The following ZNF292 variants were observed in gnomAD, a reference collection of about 807,000 sequenced individuals.
The protein encoded by ZNF292 is zinc finger protein 292, also known as 16 zinc-finger domain protein.
Under a neutral mutation model 217.9 loss-of-function variants are expected in ZNF292, and 26 were observed. The ratio of observed to expected loss-of-function variants is 0.12; its 90% CI spans 0.09 to 0.17. ZNF292 has a LOEUF of 0.17. Among genes scored for constraint, ZNF292 ranks in the 10% least tolerant of loss-of-function variants. The probability of loss-of-function intolerance (pLI) is 1.00; values close to 1 mark genes in which losing one functional copy is unlikely to be tolerated. For synonymous variants in ZNF292, 1,257 were observed against 1,124.1 expected (o/e 1.12, Z -2.37); for missense variants, 2,904 against 3,175.2 (o/e 0.91, Z 2.05).
rs1487336280 is a variant in ZNF292, at chr6:87,238,059, G to A, written c.741+4532G>A. On this transcript the variant is annotated intron_variant, in intron 5 of 7. Transcript: ENST00000369577. ...AAATGAAGGATCCCAAGTACACCATGAAAATTGTTTCATTAGTATGCCTAT... is the reference window on the plus strand; with the variant it reads ...AAATGAAGGATCCCAAGTACACCATAAAAATTGTTTCATTAGTATGCCTAT... Among the ~76,000 whole-genome samples the A allele has an allele frequency of 2.0e-5, 3 of 152,126 alleles. No homozygotes were observed. In the East Asian group the frequency reaches 5.8e-4, roughly 29 times the overall value.
At chr6:87,253,640 G>A (rs1582510219) in intron 7 of ZNF292, among the ~76,000 whole-genome samples, 1 of 151,928 alleles carries the variant, frequency 6.6e-6, no homozygotes, top group Non-Finnish European at 1.5e-5. Flanking sequence ...AGTATCCCAG[G>A]CTCCTTTTCC....
chr6:87,244,819 A>AT (rs574346736), intron 6 of ZNF292, among the ~76,000 whole-genome samples: 1,685 of 151,944 alleles, frequency 0.011, 35 homozygotes, highest in African/African-American at 0.037. Flanking sequence ...CATGTCATTG[A>AT]TTTTTTTTAT....
In ZNF292 at chr6:87,255,425, G is replaced by C; in HGVS notation, c.1796G>C (p.Arg599Thr). The C allele has an allele frequency of 1.9e-6, 3 of 1,613,722 alleles. No homozygotes were observed. The highest frequency in any genetic ancestry group is 2.5e-6 in the Non-Finnish European group (3 of 1,179,830). Residue 599 changes from arginine (R) to threonine (T), a missense_variant, in exon 8 of 8, where the codon AGA becomes ACA. Physicochemically the swap from Arg to Thr is moderately conservative, Grantham distance 71. Coordinates refer to ENST00000369577, the MANE Select transcript of ZNF292 (RefSeq NM_015021.3). ...CATGTTAAACAATCTAGTAAAGAGAGACTAGCAGCTATGAAACCATTAAGA... is the reference window on the plus strand; with the variant it reads ...CATGTTAAACAATCTAGTAAAGAGACACTAGCAGCTATGAAACCATTAAGA... ...TLHVKQSSKE[R>T]LAAMKPLRRL... is the part of the protein sequence containing the mutation.
At chr6:87,207,698 T>C (rs544607539) in intron 1 of ZNF292, among the ~76,000 whole-genome samples, 23 of 152,212 alleles carry the variant, frequency 1.5e-4, no homozygotes, top group African/African-American at 5.3e-4. Context: ...TTTTCTTAGC[T>C]TAATTTTCTG....
At chr6:87,160,711 T>C (rs1770717357) in intron 1 of ZNF292, among the ~76,000 whole-genome samples, 1 of 152,012 alleles carries the variant, frequency 6.6e-6, no homozygotes, top group Admixed American at 6.6e-5. Flanking sequence ...ATTTTCTTAG[T>C]TCATATAAGC....
chr6:87,239,412 C>T (rs1461256024), intron 5 of ZNF292, among the ~76,000 whole-genome samples: 2 of 151,590 alleles, frequency 1.3e-5, no homozygotes, highest in Admixed American at 6.6e-5. Flanking sequence ...CCACCTCCCT[C>T]CCAGACGGGG....
In ZNF292 at chr6:87,255,823, G is replaced by GT. The variant is rs1775181568; in HGVS notation, c.2195dup (p.Ser733GlufsTer7). ...TTGCCAGTACTGTAGGCGGCATTTT[G>GT]TGAGTGTTACTCATCTCAATGATCA... On this transcript the variant is annotated frameshift_variant, in exon 8 of 8. Transcript: ENST00000369577. LOFTEE classifies it high-confidence loss of function. 1 of 1,613,704 alleles carries GT rather than the reference G, an allele frequency of 6.2e-7. No individual in the cohort carries two copies. Among genetic ancestry groups the GT allele is most frequent in the Non-Finnish European group, 8.5e-7 (1 of 1,179,846 alleles).
At position 87,256,022 on chromosome 6, in the gene ZNF292, A is replaced by G; in HGVS notation, c.2393A>G (p.Asp798Gly). 6.2e-7 allele frequency: 1 copy of G among 1,607,374 alleles called. No individual in the cohort carries two copies. Among genetic ancestry groups the G allele is most frequent in the Non-Finnish European group, 8.5e-7 (1 of 1,176,294 alleles). Residue 798 changes from aspartate to glycine, a missense_variant, in exon 8 of 8, where the codon GAT becomes GGT. Physicochemically the swap from Asp to Gly is moderately conservative, Grantham distance 94. Coordinates refer to ENST00000369577, the MANE Select transcript of ZNF292 (RefSeq NM_015021.3). ...TTTTCGGAAGCTTATTTACTATATG[A>G]TCATGAAGCACAACATTATAATACG... ...RIFSEAYLLY[D>G]HEAQHYNTYT... is the part of the protein sequence containing the mutation.
At chr6:87,222,808 G>C (rs1444864573) in intron 4 of ZNF292, 1 of 452,868 alleles carries the variant, frequency 2.2e-6, no homozygotes, top group Admixed American at 2.4e-5. Flanking sequence ...TAGTCGTCAT[G>C]TCTTCTTAGG....
In ZNF292 at chr6:87,256,282, G is replaced by T; in HGVS notation, c.2653G>T (p.Asp885Tyr). 6.2e-7 allele frequency: 1 copy of T among 1,613,812 alleles called. No individual in the cohort carries two copies. Among genetic ancestry groups the T allele is most frequent in the Non-Finnish European group, 8.5e-7 (1 of 1,179,834 alleles). The stretch of plus-strand genomic sequence containing the variant: ...TAACATTGAAAACAGCTTACTAGCA[G>T]ATAGAAGTGATGCTTGGGATAAAAG... ...ENNIENSLLADRSDAWDKSKA... is the reference protein window; with the variant it reads ...ENNIENSLLAYRSDAWDKSKA... Residue 885 changes from aspartate to tyrosine, a missense_variant, in exon 8 of 8, where the codon GAT becomes TAT. Around this residue, in one of 15 missense-constraint regions of ZNF292, gnomAD observed 687 missense variants for 623.0 expected, o/e 1.10. Transcript: ENST00000369577.
At position 87,229,212 on chromosome 6, in the gene ZNF292, T is replaced by C. The variant is rs138374491; in HGVS notation, c.539-4113T>C. The stretch of plus-strand genomic sequence containing the variant: ...TATTTTCTTAATTTCCTTTTTGAAC[T>C]GTTCATTGTTAGTGTACAGATGCAA... On this transcript the variant is annotated intron_variant, in intron 4 of 7. Transcript: ENST00000369577. 3.6e-3 allele frequency among the ~76,000 whole-genome samples: 550 copies of C among 152,336 alleles called. 2 individuals are homozygous for C. Among genetic ancestry groups the C allele is most frequent in the African/African-American group, 0.013 (528 of 41,562 alleles).
At chr6:87,230,811 T>G (rs549860241) in intron 4 of ZNF292, among the ~76,000 whole-genome samples, 1 of 152,272 alleles carries the variant, frequency 6.6e-6, no homozygotes, top group South Asian at 2.1e-4. Flanking sequence ...TATCATTTAT[T>G]TATATTGCCA....
intron 5 of ZNF292, among the ~76,000 whole-genome samples, chr6:87,241,926 ATACTT>A (rs1418927203): frequency 7.9e-5 from 12 of 152,220 alleles, no homozygotes; most frequent in African/African-American, 2.7e-4. Context: ...TGAATTGAAA[ATACTT>A]TAAGTCAAAA....
intron 1 of ZNF292, among the ~76,000 whole-genome samples, chr6:87,180,149 G>GCAAAA (rs1177622033): frequency 3.3e-5 from 5 of 152,086 alleles, no homozygotes; most frequent in South Asian, 2.1e-4. Context: ...GAGCTGAATC[G>GCAAAA]CAAAACAAAA....
chr6:87,204,554 ATTTTTTTTTTTT>A (rs68087857), intron 1 of ZNF292, among the ~76,000 whole-genome samples: 6 of 63,640 alleles, frequency 9.4e-5, no homozygotes, highest in South Asian at 7.0e-4. Flanking sequence ...AACATTTAGG[ATTTTTTTTTTTT>A]TTTTTTTTTT....
intron 1 of ZNF292, among the ~76,000 whole-genome samples, chr6:87,162,801 C>T (rs1770794122): frequency 6.6e-6 from 1 of 152,202 alleles, no homozygotes; most frequent in Admixed American, 6.5e-5. Context: ...AAAACTGCTG[C>T]TCTACTTATT....
Position 87,255,792 on chromosome 6 carries a change from A to G in ZNF292, c.2163A>G (p.Lys721=). The G allele has an allele frequency of 1.2e-6, 2 of 1,613,884 alleles. No homozygotes were observed. The highest frequency in any genetic ancestry group is 8.5e-7 in the Non-Finnish European group (1 of 1,179,848). The change falls in exon 8 of 8, where the codon AAA becomes AAG. Residue 721 remains lysine, a synonymous_variant. Coordinates refer to ENST00000369577, the MANE Select transcript of ZNF292 (RefSeq NM_015021.3). The part of the protein sequence containing the change: ...AKRFLEMQSK[K]VICQYCRRHF... ...GCTTTCTTGAAATGCAGAGCAAAAA[A>G]GTTATTTGCCAGTACTGTAGGCGGC...
chr6:87,190,878 T>G (rs759026408), intron 1 of ZNF292, among the ~76,000 whole-genome samples: 1 of 152,246 alleles, frequency 6.6e-6, no homozygotes, highest in Non-Finnish European at 1.5e-5. Context: ...TCTGAAGTTA[T>G]AAAAGTAACA....
At chr6:87,193,365 C>T (rs756115196) in intron 1 of ZNF292, among the ~76,000 whole-genome samples, 1 of 151,790 alleles carries the variant, frequency 6.6e-6, no homozygotes, top group Non-Finnish European at 1.5e-5. Context: ...GGGAATATGA[C>T]GAAAAACATT....
Sources: allele counts gnomAD v4.1 joint callset (sites outside exome capture counted in the v4.1 genomes callset), GRCh38; gene constraint gnomAD v4.1.1; regional missense constraint gnomAD v4.1.1; transcripts MANE v1.5; gene names NCBI Gene and HGNC (gene_info 2026-07-23, HGNC 2026-07-21).